Variants in ACTR3B observed in about 807,000 individuals in gnomAD.
The protein encoded by ACTR3B is actin-related protein 3B.
ACTR3B carries 8 observed loss-of-function variants against 59.0 expected under a neutral mutation model. The ratio of observed to expected loss-of-function variants is 0.14; its 90% CI spans 0.08 to 0.24. The LOEUF (loss-of-function observed/expected upper bound fraction) is 0.24. ACTR3B is among the 10% of genes least tolerant of loss of function. The pLI is 1.00. For missense variants in ACTR3B, 245 were observed against 552.3 expected (o/e 0.44, Z 5.58); for synonymous variants, 148 against 197.9 (o/e 0.75, Z 2.12).
At position 152,853,481 on chromosome 7, in the gene ACTR3B, C is replaced by T. The variant is rs766417235; in HGVS notation, c.1078-13C>T. Reference sequence around the variant, plus strand: ...GTGGGTGTGGGGTAAGTGAGAGCTGCTTTCTCTTCCAGCCGAAGCCTGTGG... The same window carrying T: ...GTGGGTGTGGGGTAAGTGAGAGCTGTTTTCTCTTCCAGCCGAAGCCTGTGG... On this transcript the variant is annotated splice_polypyrimidine_tract_variant and intron_variant, in intron 10 of 11. Coordinates refer to ENST00000256001, the MANE Select transcript of ACTR3B (RefSeq NM_020445.6). The T allele has an allele frequency of 6.2e-7, 1 of 1,613,258 alleles. No individual in the cohort carries two copies. Among genetic ancestry groups the T allele is most frequent in the Non-Finnish European group, 8.5e-7 (1 of 1,179,522 alleles).
At chr7:152,775,082 C>A (rs1396421278) in intron 1 of ACTR3B, among the ~76,000 whole-genome samples, 2 of 149,642 alleles carry the variant, frequency 1.3e-5, no homozygotes, top group Non-Finnish European at 3.0e-5. Context: ...GTCTTGGCCA[C>A]TCAGGAAGTT....
At chr7:152,837,281 TG>T (rs1409733426) in intron 9 of ACTR3B, among the ~76,000 whole-genome samples, 2 of 152,260 alleles carry the variant, frequency 1.3e-5, no homozygotes, top group African/African-American at 4.8e-5. Flanking sequence ...TGCTTTACTT[TG>T]AGATGAGTTG....
At chr7:152,847,380 C>T (rs1173133780) in intron 9 of ACTR3B, among the ~76,000 whole-genome samples, 1 of 152,210 alleles carries the variant, frequency 6.6e-6, no homozygotes, top group South Asian at 2.1e-4. Context: ...TGAAGTTTGT[C>T]CTTCAATTAC....
At chr7:152,833,328 C>T (rs943970939) in intron 9 of ACTR3B, among the ~76,000 whole-genome samples, 3 of 152,202 alleles carry the variant, frequency 2.0e-5, no homozygotes, top group Admixed American at 1.3e-4. Context: ...ATCATAACAG[C>T]CCGTATTTTA....
chr7:152,769,604 T>C (rs1469985712), intron 1 of ACTR3B, among the ~76,000 whole-genome samples: 3 of 152,180 alleles, frequency 2.0e-5, no homozygotes, highest in African/African-American at 4.8e-5. Context: ...TTATATGTAT[T>C]GATATGATTG....
chr7:152,809,498 G>A (rs1327237700), intron 4 of ACTR3B, among the ~76,000 whole-genome samples: 3 of 151,770 alleles, frequency 2.0e-5, no homozygotes, highest in Non-Finnish European at 4.4e-5. Flanking sequence ...GTGATTGTGT[G>A]TAGGCATATG....
chr7:152,825,597 A>G (rs1029684941), intron 9 of ACTR3B, among the ~76,000 whole-genome samples: 9 of 152,116 alleles, frequency 5.9e-5, no homozygotes, highest in East Asian at 1.9e-4. Flanking sequence ...GATTACAGAC[A>G]TGAGCCACCA....
chr7:152,780,976 C>T (rs1449434415), intron 1 of ACTR3B, among the ~76,000 whole-genome samples: 5 of 151,602 alleles, frequency 3.3e-5, no homozygotes, highest in African/African-American at 9.7e-5. Flanking sequence ...CTATTATCCC[C>T]ATTTTATAGT....
At chr7:152,786,803 G>A (rs1008394605) in intron 2 of ACTR3B, among the ~76,000 whole-genome samples, 1 of 151,864 alleles carries the variant, frequency 6.6e-6, no homozygotes, top group Non-Finnish European at 1.5e-5. Flanking sequence ...ACATTGTTTT[G>A]TGAGTTCATA....
At chr7:152,808,885 C>T (rs2098260693) in intron 4 of ACTR3B, among the ~76,000 whole-genome samples, 1 of 152,168 alleles carries the variant, frequency 6.6e-6, no homozygotes, top group Admixed American at 6.5e-5. Context: ...CAACAACCCT[C>T]TGAGATAGGT....
intron 4 of ACTR3B, among the ~76,000 whole-genome samples, chr7:152,809,583 C>A (rs1260675549): frequency 5.3e-5 from 8 of 151,788 alleles, no homozygotes; most frequent in African/African-American, 1.7e-4. Flanking sequence ...GCTCTGTAGC[C>A]CAGGCTGGAG....
chr7:152,790,829 C>T (rs2098193141), intron 2 of ACTR3B, among the ~76,000 whole-genome samples: 1 of 152,082 alleles, frequency 6.6e-6, no homozygotes, highest in South Asian at 2.1e-4. Flanking sequence ...AGCAAATGTT[C>T]TGAAGTATCT....
chr7:152,790,190 A>C (rs2098190762), intron 2 of ACTR3B, among the ~76,000 whole-genome samples: 1 of 152,176 alleles, frequency 6.6e-6, no homozygotes, highest in South Asian at 2.1e-4. Flanking sequence ...ATGGGGTCTC[A>C]TTATATTGCC....
chr7:152,834,011 G>A (rs1256659808), intron 9 of ACTR3B, among the ~76,000 whole-genome samples: 1 of 151,964 alleles, frequency 6.6e-6, no homozygotes, highest in Non-Finnish European at 1.5e-5. Context: ...GAGGTTCACC[G>A]AAGAGAACTT....
At chr7:152,766,940 C>G (rs1204511591) in intron 1 of ACTR3B, among the ~76,000 whole-genome samples, 1 of 152,092 alleles carries the variant, frequency 6.6e-6, no homozygotes, top group African/African-American at 2.4e-5. Context: ...GTGCATGCCA[C>G]CACATCGGGC....
intron 1 of ACTR3B, among the ~76,000 whole-genome samples, chr7:152,782,090 A>T (rs1046194193): frequency 1.3e-5 from 2 of 152,198 alleles, no homozygotes; most frequent in African/African-American, 4.8e-5. Flanking sequence ...AAATAGTAAA[A>T]TTAGCATATG....
chr7:152,844,417 G>T (rs921694675), intron 9 of ACTR3B, among the ~76,000 whole-genome samples: 3 of 151,736 alleles, frequency 2.0e-5, no homozygotes, highest in Non-Finnish European at 4.4e-5. Context: ...TTAATTTGTT[G>T]GCTTAATATT....
intron 1 of ACTR3B, among the ~76,000 whole-genome samples, chr7:152,782,318 C>G (rs2098156809): frequency 6.6e-6 from 1 of 150,862 alleles, no homozygotes; most frequent in Non-Finnish European, 1.5e-5. Flanking sequence ...TTAGAGTAGT[C>G]CTAATAAGAA....
At chr7:152,820,885 TC>T (rs1205532410) in intron 7 of ACTR3B, among the ~76,000 whole-genome samples, 1 of 152,248 alleles carries the variant, frequency 6.6e-6, no homozygotes, top group Non-Finnish European at 1.5e-5. Flanking sequence ...AGCATCTTCT[TC>T]CTTTATGGCA....
Sources: gnomAD v4.1 joint callset for allele counts (sites outside exome capture counted in the v4.1 genomes callset) on GRCh38, gnomAD v4.1.1 for gene constraint, MANE v1.5 for transcripts, NCBI Gene and HGNC (gene_info 2026-07-23, HGNC 2026-07-21) for gene names.